The following KCNIP4 variants were observed in gnomAD, a reference collection of about 807,000 sequenced individuals.
KCNIP4 encodes potassium voltage-gated channel interacting protein 4, also known as Kv channel-interacting protein 4.
In KCNIP4, 12 loss-of-function variants were observed where a neutral mutation model predicts 34.0. The observed-to-expected ratio is 0.35, with a 90% confidence interval of 0.23 to 0.57. KCNIP4 has a LOEUF of 0.57. Ranked by LOEUF, KCNIP4 falls within the 20% of genes least tolerant of loss-of-function variation. The pLI is 0.83. For missense variants in KCNIP4, 238 were observed against 311.7 expected (o/e 0.76, Z 1.78); for synonymous variants, 124 against 102.2 (o/e 1.21, Z -1.29).
chr4:21,925,749 A>G (rs893291266), intron 1 of KCNIP4, among the ~76,000 whole-genome samples: 1 of 152,176 alleles, frequency 6.6e-6, no homozygotes, highest in Admixed American at 6.6e-5. Context: ...ATACTCATAA[A>G]AATAATTTAA....
chr4:21,082,703 G>A (rs975244951), intron 1 of KCNIP4, among the ~76,000 whole-genome samples: 2 of 151,672 alleles, frequency 1.3e-5, no homozygotes, highest in African/African-American at 2.4e-5. Flanking sequence ...AAGCCAGTAG[G>A]ACTAATTCAA....
intron 1 of KCNIP4, among the ~76,000 whole-genome samples, chr4:21,358,883 C>T (rs1578125461): frequency 6.6e-6 from 1 of 152,068 alleles, no homozygotes; most frequent in Non-Finnish European, 1.5e-5. Flanking sequence ...TCAAGTTGTC[C>T]TACCTTTGCT....
At chr4:20,863,146 G>C (rs1271533812) in intron 2 of KCNIP4, among the ~76,000 whole-genome samples, 1 of 152,104 alleles carries the variant, frequency 6.6e-6, no homozygotes, top group Non-Finnish European at 1.5e-5. Flanking sequence ...TGGGAGACCC[G>C]AGTTTTATTG....
intron 1 of KCNIP4, among the ~76,000 whole-genome samples, chr4:21,941,104 A>G (rs1730178874): frequency 6.6e-6 from 1 of 152,104 alleles, no homozygotes. Flanking sequence ...CCAAAATAAA[A>G]CCCCTGGCAG....
intron 1 of KCNIP4, among the ~76,000 whole-genome samples, chr4:21,088,739 T>C (rs533534859): frequency 1.3e-5 from 2 of 152,306 alleles, no homozygotes; most frequent in Admixed American, 1.3e-4. Flanking sequence ...TTCCTAAAGA[T>C]GTTTTGCCTT....
At chr4:21,549,169 C>T (rs1272986057) in intron 1 of KCNIP4, among the ~76,000 whole-genome samples, 2 of 151,974 alleles carry the variant, frequency 1.3e-5, no homozygotes, top group Admixed American at 6.6e-5. Context: ...ATCACAAGCA[C>T]ACAAGATAGC....
rs189219110 is a variant in KCNIP4, at chr4:20,792,321, C to T, written c.289-33431G>A. On this transcript the variant is annotated intron_variant, in intron 3 of 8. Coordinates refer to ENST00000382152, the MANE Select transcript of KCNIP4 (RefSeq NM_025221.6). ...CCCGGGGGCAGAGGTTGCAGTGAAC[C>T]GAGATTGCACTCCAGCCTGGGCAAC... Among the ~76,000 whole-genome samples the T allele has an allele frequency of 3.7e-4, 56 of 152,006 alleles. 1 individual carries two copies. The East Asian group carries it at 6.2e-3, about 17-fold the overall frequency.
At chr4:21,251,209 T>A (rs1238217611) in intron 1 of KCNIP4, among the ~76,000 whole-genome samples, 1 of 152,168 alleles carries the variant, frequency 6.6e-6, no homozygotes, top group Non-Finnish European at 1.5e-5. Context: ...ATCCAACAAA[T>A]CTATCTATAT....
chr4:21,618,328 A>C (rs1744742226), intron 1 of KCNIP4, among the ~76,000 whole-genome samples: 1 of 152,200 alleles, frequency 6.6e-6, no homozygotes, highest in African/African-American at 2.4e-5. Context: ...CAATTGAGTT[A>C]AAGCCCATTT....
chr4:20,987,781 C>T (rs1288509063), intron 1 of KCNIP4, among the ~76,000 whole-genome samples: 7 of 151,628 alleles, frequency 4.6e-5, no homozygotes, highest in African/African-American at 1.7e-4. Context: ...AGGCGGATCA[C>T]GAGGTCAGGA....
chr4:21,724,198 G>T (rs1278820647), intron 1 of KCNIP4, among the ~76,000 whole-genome samples: 4 of 152,052 alleles, frequency 2.6e-5, no homozygotes, highest in Admixed American at 2.0e-4. Flanking sequence ...ACAATGAGGT[G>T]TCTAAGAAAG....
intron 1 of KCNIP4, among the ~76,000 whole-genome samples, chr4:21,529,597 C>T (rs1211509238): frequency 6.6e-6 from 1 of 152,078 alleles, no homozygotes; most frequent in Non-Finnish European, 1.5e-5. Flanking sequence ...TATTCTCAGA[C>T]CTCCTTCTAT....
intron 1 of KCNIP4, among the ~76,000 whole-genome samples, chr4:21,142,378 C>T (rs1054319230): frequency 1.2e-4 from 18 of 152,070 alleles, no homozygotes; most frequent in Non-Finnish European, 2.6e-4. Flanking sequence ...ATAATCAGTA[C>T]TGTGCATTAC....
chr4:21,191,256 A>C (rs1755627012), intron 1 of KCNIP4, among the ~76,000 whole-genome samples: 1 of 152,204 alleles, frequency 6.6e-6, no homozygotes, highest in African/African-American at 2.4e-5. Flanking sequence ...TTTGATAGCA[A>C]AGGGAGAAGA....
chr4:21,261,528 T>C (rs1761468185), intron 1 of KCNIP4, among the ~76,000 whole-genome samples: 1 of 152,172 alleles, frequency 6.6e-6, no homozygotes, highest in Admixed American at 6.5e-5. Context: ...CAACACAGCA[T>C]TGAAAGCTGG....
At chr4:21,887,998 CACTT>C (rs748325738) in intron 1 of KCNIP4, among the ~76,000 whole-genome samples, 2 of 151,134 alleles carry the variant, frequency 1.3e-5, no homozygotes, top group Admixed American at 6.6e-5. Context: ...ATTTATGTAA[CACTT>C]ACTATGTGCC....
chr4:20,979,649 C>T (rs540691539), intron 1 of KCNIP4, among the ~76,000 whole-genome samples: 66 of 152,074 alleles, frequency 4.3e-4, no homozygotes, highest in African/African-American at 1.4e-3. Context: ...CCACCCGCCT[C>T]GGCCTCCCAA....
chr4:21,059,884 G>T (rs1282115369), intron 1 of KCNIP4, among the ~76,000 whole-genome samples: 1 of 151,978 alleles, frequency 6.6e-6, no homozygotes, highest in East Asian at 1.9e-4. Flanking sequence ...GTGAAGCGTT[G>T]ACTGAAACCT....
chr4:21,629,640 A>G (rs1745574592), intron 1 of KCNIP4, among the ~76,000 whole-genome samples: 1 of 152,174 alleles, frequency 6.6e-6, no homozygotes, highest in African/African-American at 2.4e-5. Context: ...TGATGTCACC[A>G]TCACGAAGCT....
Sources: gnomAD v4.1 joint callset for allele counts (sites outside exome capture counted in the v4.1 genomes callset) on GRCh38, gnomAD v4.1.1 for gene constraint, MANE v1.5 for transcripts, NCBI Gene and HGNC (gene_info 2026-07-23, HGNC 2026-07-21) for gene names.